Variants in P4HA1 observed in about 807,000 individuals in gnomAD.
The protein encoded by P4HA1 is prolyl 4-hydroxylase subunit alpha-1.
A neutral mutation model predicts 72.8 loss-of-function variants in P4HA1; 24 were observed. That is an observed-to-expected ratio of 0.33 (90% CI 0.24 to 0.46). P4HA1 has a LOEUF of 0.46. Among genes scored for constraint, P4HA1 ranks in the 20% least tolerant of loss-of-function variants. The pLI, the probability that P4HA1 is intolerant of heterozygous loss-of-function variation, is 1.00. For missense variants in P4HA1, 446 were observed against 640.6 expected, an observed-to-expected ratio of 0.70 and a Z score of 3.28; for synonymous variants, 201 against 218.8, an observed-to-expected ratio of 0.92 and a Z score of 0.72.
At chr10:73,079,463 C>A (rs1488577119) in intron 1 of P4HA1, among the ~76,000 whole-genome samples, 1 of 151,272 alleles carries the variant, frequency 6.6e-6, no homozygotes, top group Non-Finnish European at 1.5e-5. Context: ...ACAGTAAGGC[C>A]AGGAGCGGTG....
intron 1 of P4HA1, among the ~76,000 whole-genome samples, chr10:73,089,630 A>G (rs929997508): frequency 6.6e-6 from 1 of 151,910 alleles, no homozygotes; most frequent in Admixed American, 6.6e-5. Flanking sequence ...ATAAAATACT[A>G]TTCAACAATA....
At chr10:73,089,632 T>A (rs1841988587) in intron 1 of P4HA1, among the ~76,000 whole-genome samples, 1 of 150,090 alleles carries the variant, frequency 6.7e-6, no homozygotes, top group Non-Finnish European at 1.5e-5. Context: ...AAAATACTAT[T>A]CAACAATAAA....
intron 5 of P4HA1, among the ~76,000 whole-genome samples, chr10:73,054,883 TTG>T: frequency 6.6e-6 from 1 of 152,276 alleles, no homozygotes; most frequent in Non-Finnish European, 1.5e-5. Flanking sequence ...TTATTTCCAT[TTG>T]TGTATCTTCT....
intron 6 of P4HA1, among the ~76,000 whole-genome samples, chr10:73,052,408 G>A (rs1207815854): frequency 6.6e-6 from 1 of 152,142 alleles, no homozygotes. Flanking sequence ...CAGGGAAGAG[G>A]CGTATACACT....
intron 5 of P4HA1, among the ~76,000 whole-genome samples, chr10:73,058,095 A>G (rs1282618196): frequency 1.7e-4 from 24 of 144,762 alleles, no homozygotes; most frequent in Non-Finnish European, 3.0e-4. Flanking sequence ...GTCCAGAAAA[A>G]AAAAAAAAAA....
chr10:73,062,194 G>GC (rs1841328617), intron 5 of P4HA1, among the ~76,000 whole-genome samples: 1 of 152,166 alleles, frequency 6.6e-6, no homozygotes, highest in Admixed American at 6.5e-5. Flanking sequence ...AACGTCTGGA[G>GC]CTTGGTGATG....
At chr10:73,072,795 A>C (rs1841595749) in intron 3 of P4HA1, among the ~76,000 whole-genome samples, 1 of 152,224 alleles carries the variant, frequency 6.6e-6, no homozygotes. Context: ...GTAAAGGATA[A>C]GTAGAATTGG....
chr10:73,074,465 A>AT (rs1220993040), intron 2 of P4HA1, among the ~76,000 whole-genome samples: 8 of 152,120 alleles, frequency 5.3e-5, no homozygotes, highest in African/African-American at 1.9e-4. Context: ...TCAAAATAAT[A>AT]ATGATAAAAT....
intron 12 of P4HA1, 55 bp from the exon 13 acceptor site, chr10:73,011,092 GCCATT>G: frequency 7.7e-7 from 1 of 1,299,030 alleles, no homozygotes; most frequent in African/African-American, 1.5e-5. Flanking sequence ...AGTAAAACAT[GCCATT>G]ATATAGACTT....
At chr10:73,077,764 T>C (rs753280078) in intron 1 of P4HA1, among the ~76,000 whole-genome samples, 11 of 151,442 alleles carry the variant, frequency 7.3e-5, no homozygotes, top group Non-Finnish European at 1.2e-4. Flanking sequence ...GAGGATCACT[T>C]GAGCTCAGGA....
intron 1 of P4HA1, among the ~76,000 whole-genome samples, chr10:73,087,272 T>TA (rs1041746458): frequency 6.7e-5 from 10 of 148,860 alleles, no homozygotes; most frequent in South Asian, 2.1e-4. Context: ...GCCTTTATTT[T>TA]TTTTTTTTTT....
At position 73,051,241 on chromosome 10, in the gene P4HA1, G is replaced by C; in HGVS notation, c.712C>G (p.His238Asp). 1.3e-6 allele frequency: 2 copies of C among 1,568,154 alleles called. No homozygotes were observed. Among genetic ancestry groups the C allele is most frequent in the East Asian group, 4.5e-5 (2 of 44,644 alleles). Residue 238 changes from histidine (H) to aspartate (D), a missense_variant, in exon 7 of 15, where the codon CAT (histidine) becomes GAT (aspartate). Physicochemically the swap from His to Asp is moderately conservative, Grantham distance 81 (BLOSUM62 -1). Coordinates refer to ENST00000394890, the MANE Select transcript of P4HA1 (RefSeq NM_001017962.3). The stretch of plus-strand genomic sequence containing the variant: ...TTTAAGTTACCATTAGCTCTCTGAT[G>C]TTCAGGATCTATTAGAAGAGAAACA... ...TKKLLELDPE[H>D]QRANGNLKYF...
At chr10:73,020,011 T>C (rs1168889692) in intron 10 of P4HA1, among the ~76,000 whole-genome samples, 2 of 152,072 alleles carry the variant, frequency 1.3e-5, no homozygotes, top group Non-Finnish European at 2.9e-5. Context: ...TACCCAAGTC[T>C]GGGGAAGAGA....
Position 73,077,852 on chromosome 10 carries a change from G to A in P4HA1, c.-32-2937C>T, listed in dbSNP as rs142486904. Among the ~76,000 whole-genome samples the A allele has an allele frequency of 7.8e-3, 1,184 of 151,104 alleles. 11 individuals are homozygous for A. Among genetic ancestry groups the A allele is most frequent in the Non-Finnish European group, 0.01 (682 of 67,766 alleles). The stretch of plus-strand genomic sequence containing the variant: ...AAAAATCAAAAAATTAGCTGGGTAC[G>A]GTGGCATACACCTGTGGTCCCAGCT... On this transcript the variant is annotated intron_variant, in intron 1 of 14. Transcript: ENST00000394890.
At chr10:73,062,007 A>C (rs1841324971) in intron 5 of P4HA1, among the ~76,000 whole-genome samples, 1 of 152,210 alleles carries the variant, frequency 6.6e-6, no homozygotes, top group African/African-American at 2.4e-5. Context: ...TGATAGAGTG[A>C]AATCTTGCCT....
At chr10:73,038,987 A>T (rs193298133) in intron 9 of P4HA1, among the ~76,000 whole-genome samples, 1 of 152,354 alleles carries the variant, frequency 6.6e-6, no homozygotes, top group Non-Finnish European at 1.5e-5. Context: ...ACAGATTGTC[A>T]GTAACATAAG....
rs908127360 is a variant in P4HA1, at chr10:73,086,303, C to T, written c.-33+10463G>A. On this transcript the variant is annotated intron_variant, in intron 1 of 14. Transcript: ENST00000394890. ...ACCCAAATATCCATTAGTGGGTAAA[C>T]AAAGTGTGGTCTATCCGTACAATGG... Among the ~76,000 whole-genome samples the T allele has an allele frequency of 3.3e-4, 51 of 152,304 alleles. 1 individual carries two copies. Among genetic ancestry groups the T allele is most frequent in the Admixed American group, 3.3e-4 (5 of 15,292 alleles).
At chr10:73,019,623 A>G (rs77742997) in intron 10 of P4HA1, among the ~76,000 whole-genome samples, 23,722 of 148,568 alleles carry the variant, frequency 0.16, 3,142 homozygotes, top group African/African-American at 0.35. Flanking sequence ...CAATGAATGC[A>G]GGAGGCTGAG....
chr10:73,078,396 G>A (rs917339816), intron 1 of P4HA1, among the ~76,000 whole-genome samples: 2 of 151,812 alleles, frequency 1.3e-5, no homozygotes, highest in African/African-American at 2.4e-5. Flanking sequence ...GAAAAAACAA[G>A]ATTTAAAAAT....
Sources: allele counts gnomAD v4.1 joint callset (sites outside exome capture counted in the v4.1 genomes callset), GRCh38; gene constraint gnomAD v4.1.1; transcripts MANE v1.5; gene names NCBI Gene and HGNC (gene_info 2026-07-23, HGNC 2026-07-21).